The following PCDH9 variants were observed in gnomAD, a reference collection of about 807,000 sequenced individuals.
The protein encoded by PCDH9 is protocadherin-9.
A neutral mutation model predicts 70.6 loss-of-function variants in PCDH9; 24 were observed. The observed-to-expected ratio is 0.34, with a 90% CI of 0.25 to 0.48. PCDH9 has a LOEUF of 0.48. Among genes scored for constraint, PCDH9 ranks in the 20% least tolerant of loss-of-function variants. PCDH9 has a pLI of 0.99. For synonymous variants in PCDH9, 562 were observed against 558.5 expected (o/e 1.01, Z -0.09); for missense variants, 1,281 against 1,503.6 (o/e 0.85, Z 2.45).
At chr13:67,066,970 C>A (rs2085660486) in intron 2 of PCDH9, among the ~76,000 whole-genome samples, 1 of 152,130 alleles carries the variant, frequency 6.6e-6, no homozygotes, top group Non-Finnish European at 1.5e-5. Context: ...GGATCTATAT[C>A]CTCAATAGCA....
At chr13:66,877,734 T>C (rs2081843709) in intron 3 of PCDH9, among the ~76,000 whole-genome samples, 1 of 152,192 alleles carries the variant, frequency 6.6e-6, no homozygotes, top group South Asian at 2.1e-4. Context: ...TACACAATGT[T>C]TGATGTTCAT....
chr13:66,802,054 G>A (rs1432577553), intron 3 of PCDH9, among the ~76,000 whole-genome samples: 2 of 151,764 alleles, frequency 1.3e-5, no homozygotes, highest in East Asian at 3.9e-4. Flanking sequence ...TTTAAGTGTG[G>A]GAGGAAATAT....
intron 3 of PCDH9, among the ~76,000 whole-genome samples, chr13:66,667,734 A>G (rs2078116049): frequency 6.6e-6 from 1 of 152,264 alleles, no homozygotes; most frequent in South Asian, 2.1e-4. Context: ...TATTCCTGAC[A>G]TCTAAAATAC....
chr13:67,164,170 T>C lies in PCDH9; in HGVS notation c.3036+61235A>G, dbSNP rs59060247. Reference sequence around the variant, plus strand: ...GTTCTAATTTCATCCATAAACATTTTTATTTTCAGCTTTTCTTCCTTCTTA... The same window carrying C: ...GTTCTAATTTCATCCATAAACATTTCTATTTTCAGCTTTTCTTCCTTCTTA... On this transcript the variant is annotated intron_variant, in intron 2 of 4. Transcript: ENST00000377865. Among the ~76,000 whole-genome samples the C allele has an allele frequency of 2.3e-3, 344 of 152,350 alleles. 1 individual carries two copies. The highest frequency in any genetic ancestry group is 7.9e-3 in the African/African-American group (328 of 41,580).
chr13:66,955,970 C>T (rs1252508962), intron 2 of PCDH9, among the ~76,000 whole-genome samples: 2 of 152,102 alleles, frequency 1.3e-5, no homozygotes, highest in Non-Finnish European at 2.9e-5. Context: ...GATGTGGTGG[C>T]CAGTGCCTGT....
chr13:66,430,620 C>T (rs1340719034), intron 4 of PCDH9, among the ~76,000 whole-genome samples: 3 of 152,054 alleles, frequency 2.0e-5, no homozygotes, highest in Non-Finnish European at 2.9e-5. Context: ...GTCCTGCCAT[C>T]AAGGGTGCTT....
chr13:66,803,059 T>A (rs2080351659), intron 3 of PCDH9, among the ~76,000 whole-genome samples: 1 of 152,078 alleles, frequency 6.6e-6, no homozygotes, highest in South Asian at 2.1e-4. Flanking sequence ...ACAAATAGAA[T>A]CAACTCTGAC....
At chr13:66,331,375 G>A (rs1223635065) in intron 4 of PCDH9, among the ~76,000 whole-genome samples, 1 of 152,032 alleles carries the variant, frequency 6.6e-6, no homozygotes, top group Non-Finnish European at 1.5e-5. Flanking sequence ...TATTATGGGA[G>A]CCCTCTGGCC....
At chr13:66,876,977 T>C (rs1429241352) in intron 3 of PCDH9, 1 of 151,994 alleles carries the variant, frequency 6.6e-6, no homozygotes, top group African/African-American at 2.4e-5. Context: ...TTTAACTGAG[T>C]AGATTAAATA....
intron 4 of PCDH9, among the ~76,000 whole-genome samples, chr13:66,613,186 C>A (rs559027327): frequency 6.6e-6 from 1 of 152,194 alleles, no homozygotes; most frequent in South Asian, 2.1e-4. Context: ...GATGCTTGGT[C>A]GAAGAGTGCA....
At chr13:66,357,658 A>G (rs1956406467) in intron 4 of PCDH9, among the ~76,000 whole-genome samples, 1 of 152,036 alleles carries the variant, frequency 6.6e-6, no homozygotes, top group Admixed American at 6.6e-5. Context: ...CACATAATTT[A>G]TTTCTCTCAG....
intron 2 of PCDH9, among the ~76,000 whole-genome samples, chr13:67,020,552 GA>G (rs1041108882): frequency 1.6e-4 from 24 of 150,418 alleles, no homozygotes; most frequent in Middle Eastern, 3.4e-3. Context: ...GATTGCAAAG[GA>G]AAAAAAAATC....
At chr13:66,836,008 C>CA (rs923855585) in intron 3 of PCDH9, among the ~76,000 whole-genome samples, 1 of 151,772 alleles carries the variant, frequency 6.6e-6, no homozygotes, top group African/African-American at 2.4e-5. Context: ...TGAGAAATAC[C>CA]AAAGTTTGAA....
At chr13:66,779,381 T>C (rs1344945404) in intron 3 of PCDH9, among the ~76,000 whole-genome samples, 2 of 152,152 alleles carry the variant, frequency 1.3e-5, no homozygotes, top group Non-Finnish European at 2.9e-5. Flanking sequence ...GGGACATGCA[T>C]ACAATGGGAT....
At chr13:66,631,489 C>T in intron 3 of PCDH9, 78 bp from the exon 4 acceptor site, 1 of 791,440 alleles carries the variant, frequency 1.3e-6, no homozygotes, top group East Asian at 2.6e-5. Flanking sequence ...AAAATCAAAA[C>T]ACTTTCAACA....
chr13:67,037,464 T>G (rs1269746806), intron 2 of PCDH9, among the ~76,000 whole-genome samples: 2 of 152,182 alleles, frequency 1.3e-5, no homozygotes, highest in Admixed American at 1.3e-4. Flanking sequence ...AAGGATTTTT[T>G]GTTTGTTTGT....
At chr13:66,400,711 A>C (rs1217057998) in intron 4 of PCDH9, among the ~76,000 whole-genome samples, 1 of 152,226 alleles carries the variant, frequency 6.6e-6, no homozygotes, top group Non-Finnish European at 1.5e-5. Context: ...ATAATTGATT[A>C]AGTCTCAAGA....
chr13:66,771,824 A>G (rs984503406), intron 3 of PCDH9, among the ~76,000 whole-genome samples: 1 of 152,248 alleles, frequency 6.6e-6, no homozygotes, highest in African/African-American at 2.4e-5. Flanking sequence ...CATCAATATT[A>G]AATGAGAAAA....
intron 3 of PCDH9, among the ~76,000 whole-genome samples, chr13:66,827,860 A>G (rs767831928): frequency 9.9e-5 from 15 of 152,156 alleles, no homozygotes; most frequent in South Asian, 2.1e-4. Context: ...CCCAATCCCT[A>G]TGGGATACTT....
Sources: gnomAD v4.1 joint callset for allele counts (sites outside exome capture counted in the v4.1 genomes callset) on GRCh38, gnomAD v4.1.1 for gene constraint, MANE v1.5 for transcripts, NCBI Gene and HGNC (gene_info 2026-07-23, HGNC 2026-07-21) for gene names.